Variants in SLMAP observed in about 807,000 individuals in gnomAD.
SLMAP encodes the protein sarcolemmal membrane-associated protein.
Under a neutral mutation model 128.8 loss-of-function variants are expected in SLMAP, and 44 were observed. The ratio of observed to expected loss-of-function variants is 0.34; its 90% CI spans 0.27 to 0.44. SLMAP has a LOEUF of 0.44. Ranked by LOEUF, SLMAP falls within the 20% of genes least tolerant of loss-of-function variation. SLMAP has a pLI of 1.00. For synonymous variants in SLMAP, 327 were observed against 348.8 expected (o/e 0.94, Z 0.70); for missense variants, 787 against 985.3 (o/e 0.80, Z 2.69).
chr3:57,827,699 G>A (rs2093020484), intron 2 of SLMAP, among the ~76,000 whole-genome samples: 1 of 152,170 alleles, frequency 6.6e-6, no homozygotes, highest in Admixed American at 6.5e-5. Context: ...ACAGCTGCTA[G>A]GACATTCCTT....
chr3:57,875,920 A>G (rs1357570150), intron 14 of SLMAP, among the ~76,000 whole-genome samples: 1 of 152,238 alleles, frequency 6.6e-6, no homozygotes, highest in Non-Finnish European at 1.5e-5. Context: ...TTTATACTCA[A>G]GCACTTTTAA....
At chr3:57,795,786 C>T (rs2086594744) in intron 2 of SLMAP, among the ~76,000 whole-genome samples, 1 of 152,028 alleles carries the variant, frequency 6.6e-6, no homozygotes, top group African/African-American at 2.4e-5. Context: ...ACTTTTTCAT[C>T]ATCCCAAACA....
intron 2 of SLMAP, among the ~76,000 whole-genome samples, chr3:57,806,134 C>T (rs970703066): frequency 2.6e-5 from 4 of 151,522 alleles, no homozygotes; most frequent in African/African-American, 9.7e-5. Flanking sequence ...TGGTTTGCTG[C>T]ACCTATCAAC....
At chr3:57,836,457 T>C (rs537717720) in intron 3 of SLMAP, among the ~76,000 whole-genome samples, 1 of 152,322 alleles carries the variant, frequency 6.6e-6, no homozygotes, top group East Asian at 1.9e-4. Flanking sequence ...TATCGGTTCA[T>C]ATTAGTGTCA....
chr3:57,846,631 A>C (rs2094267791), intron 4 of SLMAP, among the ~76,000 whole-genome samples: 1 of 146,718 alleles, frequency 6.8e-6, no homozygotes, highest in Non-Finnish European at 1.5e-5. Flanking sequence ...ATCTTGGCTC[A>C]CTGCAACCTC....
intron 2 of SLMAP, among the ~76,000 whole-genome samples, chr3:57,762,212 C>A (rs1239879038): frequency 6.6e-6 from 1 of 151,362 alleles, no homozygotes; most frequent in Non-Finnish European, 1.5e-5. Context: ...ACGAAAAATA[C>A]AAAAAATTAG....
At chr3:57,808,216 T>C (rs1056357447) in intron 2 of SLMAP, among the ~76,000 whole-genome samples, 2 of 152,276 alleles carry the variant, frequency 1.3e-5, no homozygotes, top group Admixed American at 1.3e-4. Context: ...AGCCCCTAGA[T>C]TCATAGTTTT....
chr3:57,802,156 CA>C (rs1382875013), intron 2 of SLMAP, among the ~76,000 whole-genome samples: 1 of 152,268 alleles, frequency 6.6e-6, no homozygotes, highest in Middle Eastern at 3.4e-3. Context: ...TACAGTTACG[CA>C]ACGATCACTG....
chr3:57,869,659 T>TATATATATATATATATAA (rs1213782539), intron 13 of SLMAP, among the ~76,000 whole-genome samples: 30 of 115,410 alleles, frequency 2.6e-4, no homozygotes, highest in African/African-American at 8.0e-4. Flanking sequence ...TATATATATA[T>TATATATATATATATATAA]AATATATATA....
intron 5 of SLMAP, among the ~76,000 whole-genome samples, chr3:57,847,819 G>A (rs2094325104): frequency 6.6e-6 from 1 of 152,100 alleles, no homozygotes; most frequent in Non-Finnish European, 1.5e-5. Flanking sequence ...TTTTCTTAGT[G>A]CAGTAACTAA....
intron 4 of SLMAP, among the ~76,000 whole-genome samples, chr3:57,842,365 A>T (rs1174672650): frequency 1.3e-5 from 2 of 152,054 alleles, no homozygotes; most frequent in African/African-American, 4.8e-5. Flanking sequence ...TGTCCTTGGC[A>T]TATGAAGTAA....
intron 2 of SLMAP, among the ~76,000 whole-genome samples, chr3:57,829,845 G>A (rs1265499095): frequency 6.6e-6 from 1 of 152,138 alleles, no homozygotes; most frequent in Non-Finnish European, 1.5e-5. Context: ...GAGAGCTGTG[G>A]GAGGGGTGAA....
At chr3:57,806,019 G>GA (rs2089757396) in intron 2 of SLMAP, among the ~76,000 whole-genome samples, 1 of 146,266 alleles carries the variant, frequency 6.8e-6, no homozygotes. Flanking sequence ...GTAAAACAGG[G>GA]TTTTTTTTTT....
intron 2 of SLMAP, among the ~76,000 whole-genome samples, chr3:57,787,762 C>A (rs570793762): frequency 3.2e-4 from 49 of 152,194 alleles, no homozygotes; most frequent in Non-Finnish European, 5.9e-4. Flanking sequence ...CAGGCGTGAG[C>A]CACCATGCCC....
At chr3:57,918,444 T>C (rs902353565) in intron 22 of SLMAP, 2 of 152,258 alleles carry the variant, frequency 1.3e-5, no homozygotes, top group South Asian at 2.1e-4. Context: ...AAATTGTTGA[T>C]AGTCTTGGAT....
chr3:57,757,064 C>G lies in SLMAP; in HGVS notation c.-588C>G, dbSNP rs868676813. ...GCTCAGCAGGGGCGATGCAGACTGT[C>G]CCGCCGGCCGTCTAGAGCCCCTCCG... On this transcript the variant is annotated 5_prime_UTR_variant, in exon 2 of 25. Coordinates refer to ENST00000671191, the MANE Select transcript of SLMAP (RefSeq NM_001377540.1). The G allele has an allele frequency of 6.3e-6, 1 of 158,274 alleles. No individual in the cohort carries two copies. The highest frequency in any genetic ancestry group is 6.1e-5 in the Admixed American group (1 of 16,444). 9.8% of individuals were successfully genotyped at this position (158,274 alleles called of 1,614,324 possible). A position where few individuals can be genotyped will look rare whatever the true frequency, so the allele number is the denominator to read the frequency against.
At chr3:57,881,397 T>C (rs2153634049) in intron 14 of SLMAP, among the ~76,000 whole-genome samples, 1 of 152,238 alleles carries the variant, frequency 6.6e-6, no homozygotes, top group South Asian at 2.1e-4. Flanking sequence ...TCCCAAAGCA[T>C]TGAGGTCTCT....
chr3:57,780,490 T>C (rs1576378415), intron 2 of SLMAP, among the ~76,000 whole-genome samples: 1 of 152,292 alleles, frequency 6.6e-6, no homozygotes, highest in East Asian at 1.9e-4. Context: ...ATAATACTAA[T>C]AAAGCATGAA....
chr3:57,827,647 G>A (rs1194336601), intron 2 of SLMAP, among the ~76,000 whole-genome samples: 2 of 152,192 alleles, frequency 1.3e-5, no homozygotes, highest in Non-Finnish European at 2.9e-5. Context: ...TTACTCACCT[G>A]CTCAACATCA....
Sources: allele counts gnomAD v4.1 joint callset (sites outside exome capture counted in the v4.1 genomes callset), GRCh38; gene constraint gnomAD v4.1.1; transcripts MANE v1.5; gene names NCBI Gene and HGNC (gene_info 2026-07-23, HGNC 2026-07-21).